Variants in ITGA2 observed in about 807,000 individuals in gnomAD.
ITGA2 encodes integrin alpha-2.
A neutral mutation model predicts 146.3 loss-of-function variants in ITGA2; 101 were observed. The observed-to-expected ratio is 0.69, with a 90% confidence interval of 0.59 to 0.81. The LOEUF (loss-of-function observed/expected upper bound fraction) is 0.81. Ranked by LOEUF, ITGA2 falls within the 40% of genes least tolerant of loss-of-function variation. The probability of loss-of-function intolerance (pLI) is 0.00; values close to 1 mark genes in which losing one functional copy is unlikely to be tolerated. For synonymous variants in ITGA2, 477 were observed against 487.1 expected (o/e 0.98, Z 0.27); for missense variants, 1,281 against 1,402.7 (o/e 0.91, Z 1.39).
chr5:53,003,583 A>G (rs953209810), intron 1 of ITGA2, among the ~76,000 whole-genome samples: 1 of 152,164 alleles, frequency 6.6e-6, no homozygotes, highest in Admixed American at 6.5e-5. Context: ...ACCAAAGGCA[A>G]CCATCCCAAA....
rs759289083 is a variant in ITGA2, at chr5:53,065,945, T to C, written c.1911T>C (p.Ser637=). 1 of 1,612,062 alleles carries C rather than the reference T, an allele frequency of 6.2e-7. No homozygotes were observed. Among genetic ancestry groups the C allele is most frequent in the Admixed American group, 1.7e-5 (1 of 59,834 alleles). ...ATGGGGATTCCATCACCGATGTGTCTATTGGTGCCTTTGGACAAGTGGTTC... is the reference window on the plus strand; with the variant it reads ...ATGGGGATTCCATCACCGATGTGTCCATTGGTGCCTTTGGACAAGTGGTTC... ...DLNGDSITDV[S]IGAFGQVVQL... The change falls in exon 15 of 30, where the codon TCT becomes TCC. Residue 637 remains serine, a synonymous_variant. Transcript: ENST00000296585.
chr5:53,025,127 ATCATC>A (rs1561099399), intron 1 of ITGA2, among the ~76,000 whole-genome samples: 2 of 152,158 alleles, frequency 1.3e-5, no homozygotes, highest in Non-Finnish European at 2.9e-5. Context: ...GCAGTTTGGC[ATCATC>A]TCTCCACGCT....
intron 25 of ITGA2, among the ~76,000 whole-genome samples, chr5:53,080,828 G>A (rs973733466): frequency 6.6e-6 from 1 of 152,134 alleles, no homozygotes; most frequent in African/African-American, 2.4e-5. Context: ...AATTGCAGGT[G>A]GCAGAAATTA....
chr5:52,989,479 A>G lies in ITGA2; in HGVS notation c.11A>G (p.Glu4Gly), dbSNP rs559975113. 5.3e-5 allele frequency: 85 copies of G among 1,614,180 alleles called. 1 individual carries two copies. In the East Asian group the frequency reaches 1.4e-3, roughly 28 times the overall value. The part of the protein sequence containing the change: MGP[E>G]RTGAAPLPLL... ...CCGGTCAGACCCAGGATGGGGCCAG[A>G]ACGGACAGGGGCCGCGCCGCTGCCG... The change falls in exon 1 of 30, where the codon GAA becomes GGA. Residue 4 changes from glutamate (E) to glycine (G), a missense_variant. Glu to Gly is a moderately conservative substitution (Grantham distance 98). Transcript: ENST00000296585.
chr5:53,074,331 A>T lies in ITGA2; in HGVS notation c.2572-54A>T, dbSNP rs140594236. On this transcript the variant is annotated intron_variant, in intron 20 of 29. Transcript: ENST00000296585. Reference sequence around the variant, plus strand: ...CCTCTTTTACCAGGTGCGTGCATACACACACAAATGTTGTATGCCAATTGA... The same window carrying T: ...CCTCTTTTACCAGGTGCGTGCATACTCACACAAATGTTGTATGCCAATTGA... The T allele has an allele frequency of 9.7e-6, 14 of 1,439,896 alleles. No homozygotes were observed. In the East Asian group the frequency reaches 3.0e-4, roughly 30 times the overall value. 89.2% of individuals were successfully genotyped at this position (1,439,896 alleles called of 1,614,324 possible). A position where few individuals can be genotyped will look rare whatever the true frequency, so the allele number is the denominator to read the frequency against.
chr5:53,042,508 G>A (rs1395453239), intron 3 of ITGA2, among the ~76,000 whole-genome samples: 1 of 152,038 alleles, frequency 6.6e-6, no homozygotes, highest in Non-Finnish European at 1.5e-5. Context: ...GCAGAATCAA[G>A]GCTATCCTTG....
Position 53,067,126 on chromosome 5 carries a change from G to C in ITGA2, c.1952G>C (p.Ser651Thr), listed in dbSNP as rs774931520. Reference protein sequence around the residue: ...FGQVVQLWSQSIADVAIEASF... With the variant: ...FGQVVQLWSQTIADVAIEASF... ...CTCTTTATGTCTTTTAGGTCACAAA[G>C]TATTGCTGATGTAGCTATAGAAGCT... Residue 651 changes from serine to threonine, a missense_variant, in exon 16 of 30, where the codon AGT becomes ACT. This residue lies in a region of ITGA2 where 795 missense variants were observed against 841.7 expected (regional missense o/e 0.94). Coordinates refer to ENST00000296585, the MANE Select transcript of ITGA2 (RefSeq NM_002203.4). The C allele has an allele frequency of 6.2e-7, 1 of 1,610,544 alleles. No homozygotes were observed. The highest frequency in any genetic ancestry group is 8.5e-7 in the Non-Finnish European group (1 of 1,178,382).
rs976151394 is a variant in ITGA2, at chr5:53,028,884, C to A, written c.185+2016C>A. Among the ~76,000 whole-genome samples, 6 of 152,344 alleles carry A rather than the reference C, an allele frequency of 3.9e-5. No homozygotes were observed. In the East Asian group the frequency reaches 1.2e-3, roughly 29 times the overall value. On this transcript the variant is annotated intron_variant, in intron 2 of 29. Coordinates refer to ENST00000296585, the MANE Select transcript of ITGA2 (RefSeq NM_002203.4). ...TGATGGAAGCCAACACCAGCTCTTA[C>A]AGGCACTGCTGCAGCAGCTTCTCCA... is the stretch of plus-strand genomic sequence containing the variant.
At chr5:53,089,105 A>G (rs1740282714) in intron 28 of ITGA2, 1 of 152,132 alleles carries the variant, frequency 6.6e-6, no homozygotes. Flanking sequence ...TACAGTCACC[A>G]AGGCCAGTTG....
At chr5:53,066,322 A>G (rs1745145896) in intron 15 of ITGA2, among the ~76,000 whole-genome samples, 1 of 151,902 alleles carries the variant, frequency 6.6e-6, no homozygotes, top group South Asian at 2.1e-4. Context: ...AGTGCATTCA[A>G]AAATACTGAA....
At chr5:53,082,760 T>C (rs758293885) in intron 26 of ITGA2, among the ~76,000 whole-genome samples, 3 of 152,178 alleles carry the variant, frequency 2.0e-5, no homozygotes, top group Non-Finnish European at 2.9e-5. Context: ...AAATGTAAAA[T>C]GACATGTATC....
intron 20 of ITGA2, among the ~76,000 whole-genome samples, chr5:53,073,607 T>C (rs1385774354): frequency 2.0e-5 from 3 of 151,882 alleles, no homozygotes; most frequent in Non-Finnish European, 4.4e-5. Context: ...GCCTGAGCTT[T>C]GCAACTATGG....
In ITGA2 at chr5:53,091,993, G is replaced by T. The variant is rs2112058553; in HGVS notation, c.*1394G>T. 6.6e-6 allele frequency: 1 copy of T among 152,272 alleles called. No homozygotes were observed. Among genetic ancestry groups the T allele is most frequent in the South Asian group, 2.1e-4 (1 of 4,820 alleles). 9.4% of individuals were successfully genotyped at this position (152,272 alleles called of 1,614,324 possible). On this transcript the variant is annotated 3_prime_UTR_variant, in exon 30 of 30. Coordinates refer to ENST00000296585, the MANE Select transcript of ITGA2 (RefSeq NM_002203.4). ...TTGACCTAGGCAAGTTTGTTCAAAA[G>T]GTAGATCCTGAGATGATTTGGTCAG...
chr5:53,069,221 C>T (rs577313916), intron 16 of ITGA2, among the ~76,000 whole-genome samples: 8 of 151,820 alleles, frequency 5.3e-5, no homozygotes, highest in Middle Eastern at 3.2e-3. Context: ...TTTGGACACA[C>T]GGCCAGTGGA....
At chr5:53,008,591 CAA>C (rs1645251037) in intron 1 of ITGA2, among the ~76,000 whole-genome samples, 1 of 151,898 alleles carries the variant, frequency 6.6e-6, no homozygotes, top group Admixed American at 6.6e-5. Context: ...CTGTAAAAAA[CAA>C]ATAGCCGCAA....
chr5:53,044,106 C>T (rs779006475), intron 3 of ITGA2, among the ~76,000 whole-genome samples: 11 of 151,630 alleles, frequency 7.3e-5, no homozygotes, highest in Admixed American at 5.2e-4. Flanking sequence ...GAAACCCCAT[C>T]TCTACTAAAA....
intron 6 of ITGA2, among the ~76,000 whole-genome samples, chr5:53,050,059 G>T (rs997063109): frequency 6.6e-6 from 1 of 152,120 alleles, no homozygotes; most frequent in Admixed American, 6.5e-5. Flanking sequence ...ACTACATATA[G>T]CACTGGTTTC....
chr5:53,033,174 C>T (rs549476463), intron 2 of ITGA2, among the ~76,000 whole-genome samples: 1 of 152,224 alleles, frequency 6.6e-6, no homozygotes, highest in South Asian at 2.1e-4. Context: ...GAGGCTGAGG[C>T]AGGAGAATCA....
Position 52,989,514 on chromosome 5 carries a change from G to A in ITGA2, c.46G>A (p.Val16Met), listed in dbSNP as rs1325253587. ...TGAAPLPLLLVLALSQGILNC... is the reference protein window; with the variant it reads ...TGAAPLPLLLMLALSQGILNC... ...GGCCGCGCCGCTGCCGCTGCTGCTG[G>A]TGTTAGCGCTCAGTCAAGGTAAGCG... Residue 16 changes from valine to methionine, a missense_variant, in exon 1 of 30, where the codon GTG (valine) becomes ATG (methionine). Val to Met is a conservative substitution (Grantham distance 21). Around this residue, in one of 3 missense-constraint regions of ITGA2, gnomAD observed 795 missense variants for 841.7 expected, o/e 0.94. Transcript: ENST00000296585. 1 of 1,613,722 alleles carries A rather than the reference G, an allele frequency of 6.2e-7. No homozygotes were observed. The highest frequency in any genetic ancestry group is 1.7e-5 in the Admixed American group (1 of 59,998).
Sources: gnomAD v4.1 joint callset for allele counts (sites outside exome capture counted in the v4.1 genomes callset) on GRCh38, gnomAD v4.1.1 for gene constraint, gnomAD v4.1.1 regional missense constraint, MANE v1.5 for transcripts, NCBI Gene and HGNC (gene_info 2026-07-23, HGNC 2026-07-21) for gene names.